ZSWIM6: variants seen among roughly 807,000 people sequenced by gnomAD.
ZSWIM6 encodes zinc finger SWIM domain-containing protein 6.
ZSWIM6 carries 9 observed loss-of-function variants against 113.2 expected under a neutral mutation model. The ratio of observed to expected loss-of-function variants is 0.08; its 90% CI spans 0.05 to 0.14. The LOEUF (loss-of-function observed/expected upper bound fraction) is 0.14, where lower values mean the gene tolerates loss of function less well. Ranked by LOEUF, ZSWIM6 falls within the 10% of genes least tolerant of loss-of-function variation. The pLI, the probability that ZSWIM6 is intolerant of heterozygous loss-of-function variation, is 1.00. For missense variants in ZSWIM6, 1,162 were observed against 1,552.2 expected (o/e 0.75, Z 4.22); for synonymous variants, 611 against 606.5 (o/e 1.01, Z -0.11).
intron 2 of ZSWIM6, among the ~76,000 whole-genome samples, chr5:61,489,254 A>G (rs1443242216): frequency 1.3e-5 from 2 of 151,928 alleles, no homozygotes; most frequent in Admixed American, 1.3e-4. Context: ...GCTCAGTGCC[A>G]TTTCATCAAG....
intron 1 of ZSWIM6, among the ~76,000 whole-genome samples, chr5:61,341,937 T>C (rs1744559517): frequency 6.9e-6 from 1 of 144,314 alleles, no homozygotes; most frequent in African/African-American, 2.6e-5. Flanking sequence ...TGGAGTGCAG[T>C]GGTGCAATCT....
chr5:61,350,964 C>G (rs1183123825), intron 1 of ZSWIM6, among the ~76,000 whole-genome samples: 1 of 152,096 alleles, frequency 6.6e-6, no homozygotes, highest in Non-Finnish European at 1.5e-5. Context: ...ATTTATTCTT[C>G]TAGTTTTCTG....
At chr5:61,392,761 C>T (rs375053853) in intron 1 of ZSWIM6, among the ~76,000 whole-genome samples, 1 of 151,774 alleles carries the variant, frequency 6.6e-6, no homozygotes, top group East Asian at 2.0e-4. Context: ...TACAGGCATC[C>T]GTCACCACCC....
intron 2 of ZSWIM6, among the ~76,000 whole-genome samples, chr5:61,476,792 A>G (rs954370599): frequency 1.3e-5 from 2 of 152,152 alleles, no homozygotes; most frequent in Non-Finnish European, 2.9e-5. Flanking sequence ...CGTATTGTAG[A>G]TTGGTAAACT....
chr5:61,445,245 A>G (rs974256666), intron 1 of ZSWIM6, among the ~76,000 whole-genome samples: 1 of 152,238 alleles, frequency 6.6e-6, no homozygotes, highest in Non-Finnish European at 1.5e-5. Flanking sequence ...AAAAAGTTTA[A>G]TGTAAATACC....
At chr5:61,350,638 A>G (rs1744763862) in intron 1 of ZSWIM6, among the ~76,000 whole-genome samples, 1 of 152,186 alleles carries the variant, frequency 6.6e-6, no homozygotes, top group African/African-American at 2.4e-5. Context: ...TGTTGTTCAC[A>G]GGTACTGCTT....
At chr5:61,471,382 A>T (rs1747567182) in intron 1 of ZSWIM6, among the ~76,000 whole-genome samples, 1 of 152,146 alleles carries the variant, frequency 6.6e-6, no homozygotes, top group Admixed American at 6.5e-5. Flanking sequence ...TATGCAATGT[A>T]GGGAAAGAGA....
intron 4 of ZSWIM6, among the ~76,000 whole-genome samples, chr5:61,518,296 A>G (rs1749015204): frequency 6.6e-6 from 1 of 152,058 alleles, no homozygotes; most frequent in African/African-American, 2.4e-5. Flanking sequence ...TCCTTTGGGT[A>G]TATACCCACT....
intron 5 of ZSWIM6, among the ~76,000 whole-genome samples, chr5:61,522,127 C>T (rs1749148122): frequency 2.0e-5 from 3 of 147,406 alleles, no homozygotes; most frequent in African/African-American, 5.0e-5. Context: ...TTTAGCTTCT[C>T]CCTCTCTATT....
At chr5:61,366,815 G>T (rs1207721169) in intron 1 of ZSWIM6, among the ~76,000 whole-genome samples, 1 of 151,850 alleles carries the variant, frequency 6.6e-6, no homozygotes, top group Non-Finnish European at 1.5e-5. Flanking sequence ...TGTAGTCCCA[G>T]CTACTTGGGG....
Position 61,521,336 on chromosome 5 carries a change from G to A in ZSWIM6, c.1407G>A (p.Leu469=), listed in dbSNP as rs1212623752. 6.6e-7 allele frequency: 1 copy of A among 1,524,758 alleles called. No homozygotes were observed. Among genetic ancestry groups the A allele is most frequent in the East Asian group, 2.6e-5 (1 of 38,256 alleles). 94.5% of individuals were successfully genotyped at this position (1,524,758 alleles called of 1,614,324 possible). A position where few individuals can be genotyped will look rare whatever the true frequency, so the allele number is the denominator to read the frequency against. ...AAAAGGCCAGTTGGCTAAAACAGCT[G>A]AAGAAATGGAATAGTGTTGATGTCT... ...LEQKASWLKQ[L]KKWNSVDVCP... Residue 469 remains leucine, a synonymous_variant, in exon 5 of 14, where the codon CTG becomes CTA. Transcript: ENST00000252744.
chr5:61,538,860 C>T lies in ZSWIM6; in HGVS notation c.2428C>T (p.Pro810Ser), dbSNP rs1749651551. Reference protein sequence around the residue: ...STAPSGDLTRPHHIASVVPNR... With the variant: ...STAPSGDLTRSHHIASVVPNR... ...TGCTCCATCAGGAGACCTCACCCGCCCACACCACATTGCATCAGTTGTTCC... is the reference window on the plus strand; with the variant it reads ...TGCTCCATCAGGAGACCTCACCCGCTCACACCACATTGCATCAGTTGTTCC... The change falls in exon 11 of 14, where the codon CCA becomes TCA. Residue 810 changes from proline to serine, a missense_variant. Around this residue, in one of 4 missense-constraint regions of ZSWIM6, gnomAD observed 620 missense variants for 804.6 expected, o/e 0.77. Transcript: ENST00000252744. 1.1e-5 allele frequency: 17 copies of T among 1,552,308 alleles called. No homozygotes were observed. The highest frequency in any genetic ancestry group is 1.4e-5 in the African/African-American group (1 of 73,158).
chr5:61,390,156 A>C (rs976513990), intron 1 of ZSWIM6, among the ~76,000 whole-genome samples: 1 of 152,208 alleles, frequency 6.6e-6, no homozygotes, highest in Admixed American at 6.5e-5. Context: ...TCGCAAAAGT[A>C]TTCATGGGCA....
At chr5:61,535,273 G>A (rs1045187859) in intron 9 of ZSWIM6, among the ~76,000 whole-genome samples, 3 of 152,218 alleles carry the variant, frequency 2.0e-5, no homozygotes, top group African/African-American at 7.2e-5. Context: ...CTGTGGGACA[G>A]TTAGGGGTTT....
intron 1 of ZSWIM6, among the ~76,000 whole-genome samples, chr5:61,346,031 G>A (rs1041538594): frequency 1.3e-5 from 2 of 152,060 alleles, no homozygotes; most frequent in Admixed American, 6.5e-5. Context: ...TGCAACCTCC[G>A]CCTCCCGGGT....
At chr5:61,521,637 TA>T (rs1749128498) in intron 5 of ZSWIM6, among the ~76,000 whole-genome samples, 195 bp downstream of exon 5, 1 of 152,234 alleles carries the variant, frequency 6.6e-6, no homozygotes, top group South Asian at 2.1e-4. Flanking sequence ...GATATTTGTA[TA>T]CTTTTTTATA....
intron 4 of ZSWIM6, among the ~76,000 whole-genome samples, chr5:61,502,937 A>T (rs1246638416): frequency 1.3e-5 from 2 of 152,094 alleles, no homozygotes; most frequent in African/African-American, 4.8e-5. Context: ...ACGTGGAAAA[A>T]TTTTCTTCCA....
At chr5:61,334,015 T>C (rs2112016858) in intron 1 of ZSWIM6, among the ~76,000 whole-genome samples, 1 of 152,364 alleles carries the variant, frequency 6.6e-6, no homozygotes, top group Middle Eastern at 3.4e-3. Flanking sequence ...TCAGGTTTTT[T>C]TGTGCCCCTT....
intron 10 of ZSWIM6, 76 bp from the exon 11 acceptor site, chr5:61,538,738 C>T: frequency 2.0e-6 from 3 of 1,474,848 alleles, no homozygotes; most frequent in Non-Finnish European, 2.7e-6. Flanking sequence ...CCTCTGGCTT[C>T]TGTTGGCCAG....
Sources: gnomAD v4.1 joint callset for allele counts (sites outside exome capture counted in the v4.1 genomes callset) on GRCh38, gnomAD v4.1.1 for gene constraint, gnomAD v4.1.1 regional missense constraint, MANE v1.5 for transcripts, NCBI Gene and HGNC (gene_info 2026-07-23, HGNC 2026-07-21) for gene names.